Variants in FAM185A observed in about 807,000 individuals in gnomAD.
FAM185A encodes protein FAM185A.
In FAM185A, 21 loss-of-function variants were observed where a neutral mutation model predicts 45.7. The ratio of observed to expected loss-of-function variants is 0.46; its 90% CI spans 0.33 to 0.66. The LOEUF (loss-of-function observed/expected upper bound fraction) is 0.66. Among genes scored for constraint, FAM185A ranks in the 30% least tolerant of loss-of-function variants. FAM185A has a pLI of 0.03. For synonymous variants in FAM185A, 117 were observed against 194.0 expected (o/e 0.60, Z 3.30); for missense variants, 305 against 485.4 (o/e 0.63, Z 3.49).
intron 6 of FAM185A, among the ~76,000 whole-genome samples, chr7:102,786,366 A>G (rs1005435409): frequency 8.5e-4 from 129 of 152,364 alleles, no homozygotes; most frequent in Non-Finnish European, 1.5e-3. Flanking sequence ...ATGCTGCTAT[A>G]AAGACATGCA....
At position 102,784,742 on chromosome 7, in the gene FAM185A, A is replaced by C. The variant is rs1236733076; in HGVS notation, c.932-2593A>C. On this transcript the variant is annotated intron_variant, in intron 6 of 7. Coordinates refer to ENST00000413034, the MANE Select transcript of FAM185A (RefSeq NM_001145268.2). Reference sequence around the variant, plus strand: ...GCCAATATCATACTGAATGGGCAAAAACTGGAAGCATTCCCCTTGAAAACT... The same window carrying C: ...GCCAATATCATACTGAATGGGCAAACACTGGAAGCATTCCCCTTGAAAACT... Among the ~76,000 whole-genome samples the C allele has an allele frequency of 3.9e-5, 6 of 152,340 alleles. No homozygotes were observed. The East Asian group carries it at 7.7e-4, about 20-fold the overall frequency.
At chr7:102,830,489 C>G in the FAM185A span, among the ~76,000 whole-genome samples, 5 of 152,202 alleles carry the variant, frequency 3.3e-5, no homozygotes, top group Non-Finnish European at 7.3e-5. Flanking sequence ...CTTGACCCAG[C>G]TCACTAATAG....
intron 3 of FAM185A, among the ~76,000 whole-genome samples, chr7:102,759,318 TTTATTTGTTCCAATG>T (rs1253985267): frequency 6.6e-6 from 1 of 152,138 alleles, no homozygotes; most frequent in Non-Finnish European, 1.5e-5. Flanking sequence ...CTCTCAGTTA[TTTATTTGTTCCAATG>T]TTTATGGTTT....
chr7:102,763,786 A>G (rs1453889709), intron 4 of FAM185A, among the ~76,000 whole-genome samples: 1 of 152,222 alleles, frequency 6.6e-6, no homozygotes, highest in South Asian at 2.1e-4. Flanking sequence ...GGAATATAGC[A>G]TCTACTACAG....
chr7:102,749,701 G>T, intron 1 of FAM185A, 43 bp downstream of exon 1: 2 of 1,488,596 alleles, frequency 1.3e-6, no homozygotes, highest in Non-Finnish European at 1.8e-6. Context: ...CCCAGGGAAC[G>T]CACAGTGAAC....
At chr7:102,821,364 T>G in the FAM185A span, among the ~76,000 whole-genome samples, 1 of 152,188 alleles carries the variant, frequency 6.6e-6, no homozygotes, top group South Asian at 2.1e-4. Flanking sequence ...TCTTTCTTTT[T>G]TCCATTTCAT....
rs1196352333 is a variant in FAM185A at position 102,808,624 on chromosome 7, C to T, written c.*222C>T. The T allele has an allele frequency of 2.0e-6, 1 of 500,878 alleles. No individual in the cohort carries two copies. The highest frequency in any genetic ancestry group is 3.5e-5 in the East Asian group (1 of 28,660). The allele number at this position is 500,878 out of a possible 1,614,324, so 31.0% of individuals were successfully genotyped here. A position where few individuals can be genotyped will look rare whatever the true frequency, so the allele number is the denominator to read the frequency against. Reference sequence around the variant, plus strand: ...ACAAATTTAGCAGCATAAAATAATACTCATTTACAGCTATGTCTAGGTTCT... The same window carrying T: ...ACAAATTTAGCAGCATAAAATAATATTCATTTACAGCTATGTCTAGGTTCT... On this transcript the variant is annotated 3_prime_UTR_variant, in exon 8 of 8. Coordinates refer to ENST00000413034, the MANE Select transcript of FAM185A (RefSeq NM_001145268.2).
the FAM185A span, among the ~76,000 whole-genome samples, chr7:102,835,156 C>T: frequency 6.6e-6 from 1 of 152,186 alleles, no homozygotes; most frequent in Admixed American, 6.5e-5. Context: ...TCTTTGATCT[C>T]ATGCAGAACT....
chr7:102,799,736 GTGTT>G (rs766699465), intron 7 of FAM185A, among the ~76,000 whole-genome samples: 27 of 152,296 alleles, frequency 1.8e-4, no homozygotes, highest in Non-Finnish European at 3.2e-4. Context: ...AGAAGGGAAA[GTGTT>G]TGTTTGTAGG....
chr7:102,792,205 G>T (rs192476471), intron 7 of FAM185A, among the ~76,000 whole-genome samples: 205 of 151,132 alleles, frequency 1.4e-3, no homozygotes, highest in Admixed American at 2.1e-3. Context: ...CCTGCTCCAT[G>T]GTTTCCTTTG....
At chr7:102,834,138 G>GAAAAA in the FAM185A span, among the ~76,000 whole-genome samples, 7 of 123,930 alleles carry the variant, frequency 5.6e-5, no homozygotes, top group African/African-American at 2.0e-4. Flanking sequence ...AAGAAAGAAA[G>GAAAAA]AAAAGAGAAG....
downstream of FAM185A, chr7:102,813,589 T>C: frequency 1.3e-6 from 2 of 1,558,584 alleles, no homozygotes; most frequent in African/African-American, 1.4e-5. Context: ...GTGCAAAATT[T>C]TCAAACTCAA....
chr7:102,766,784 G>GT (rs144093924), intron 4 of FAM185A, among the ~76,000 whole-genome samples: 11,286 of 150,684 alleles, frequency 0.075, 586 homozygotes, highest in Non-Finnish European at 0.11. Flanking sequence ...TGTTTTTTTT[G>GT]TTTTTTTTGT....
chr7:102,837,737 C>T, the FAM185A span, among the ~76,000 whole-genome samples: 1 of 152,148 alleles, frequency 6.6e-6, no homozygotes, highest in African/African-American at 2.4e-5. Flanking sequence ...GAGACAGGGT[C>T]TCACTATGTT....
chr7:102,788,621 G>A (rs1218149761), intron 7 of FAM185A, among the ~76,000 whole-genome samples: 1 of 152,212 alleles, frequency 6.6e-6, no homozygotes, highest in East Asian at 1.9e-4. Flanking sequence ...TCATAGTTAA[G>A]TGGCGAAAAT....
At chr7:102,812,730 T>C (rs1455136851), downstream of FAM185A, among the ~76,000 whole-genome samples, 1 of 152,126 alleles carries the variant, frequency 6.6e-6, no homozygotes, top group African/African-American at 2.4e-5. Context: ...CAAAAAAGTC[T>C]CATCTCTCAG....
the FAM185A span, among the ~76,000 whole-genome samples, chr7:102,834,878 ATGTGTGTG>A: frequency 0.014 from 2,083 of 147,120 alleles, 31 homozygotes; most frequent in African/African-American, 0.038. Flanking sequence ...CCATTCCACA[ATGTGTGTG>A]TGTGTGTGTG....
At chr7:102,791,017 A>G (rs1796109551) in intron 7 of FAM185A, among the ~76,000 whole-genome samples, 1 of 152,298 alleles carries the variant, frequency 6.6e-6, no homozygotes, top group Non-Finnish European at 1.5e-5. Flanking sequence ...TTATAAACGT[A>G]TGTACATTGT....
At chr7:102,795,567 G>A (rs1289853595) in intron 7 of FAM185A, among the ~76,000 whole-genome samples, 1 of 152,198 alleles carries the variant, frequency 6.6e-6, no homozygotes, top group Non-Finnish European at 1.5e-5. Flanking sequence ...AACTGCTCTT[G>A]AGTCTAGAAC....
Sources: gnomAD v4.1 joint callset for allele counts (sites outside exome capture counted in the v4.1 genomes callset) on GRCh38, gnomAD v4.1.1 for gene constraint, MANE v1.5 for transcripts, NCBI Gene and HGNC (gene_info 2026-07-23, HGNC 2026-07-21) for gene names.